DMD: variants seen among roughly 807,000 people sequenced by gnomAD.
DMD encodes dystrophin, also known as mutant dystrophin.
A neutral mutation model predicts 330.1 loss-of-function variants in DMD; 63 were observed. The observed-to-expected ratio is 0.19, with a 90% CI of 0.16 to 0.24. The LOEUF is 0.24. Ranked by LOEUF, DMD falls within the 10% of genes least tolerant of loss-of-function variation. The pLI is 1.00. For missense variants in DMD, 3,344 were observed against 2,684.1 expected (o/e 1.25, Z -5.43); for synonymous variants, 1,223 against 959.8 (o/e 1.27, Z -5.07).
chrX:33,226,916 CTGA>C (rs1178546149), intron 1 of DMD, among the ~76,000 whole-genome samples: 5 of 109,378 alleles, frequency 4.6e-5, no homozygotes, highest in Non-Finnish European at 9.5e-5. Flanking sequence ...ATTGTGAAGC[CTGA>C]TGGAGATTAG....
At chrX:32,631,905 T>C (rs1315369917) in intron 11 of DMD, among the ~76,000 whole-genome samples, 5 of 111,315 alleles carry the variant, frequency 4.5e-5, no homozygotes, top group South Asian at 3.9e-4. Flanking sequence ...TATTCCATCC[T>C]GGCCCCTCCC....
intron 52 of DMD, among the ~76,000 whole-genome samples, chrX:31,687,570 C>A (rs1335213295): frequency 1.8e-5 from 2 of 111,816 alleles, no homozygotes; most frequent in Non-Finnish European, 3.8e-5. Context: ...AGAGGATCCT[C>A]TGCCTTTTAA....
At chrX:31,175,017 C>A (rs1296549380) in intron 71 of DMD, among the ~76,000 whole-genome samples, 1 of 111,793 alleles carries the variant, frequency 8.9e-6, no homozygotes, top group Non-Finnish European at 1.9e-5. Flanking sequence ...TGTGAAACTT[C>A]ACTATAGTTT....
At chrX:32,768,520 G>A (rs181136937) in intron 7 of DMD, among the ~76,000 whole-genome samples, 2 of 111,780 alleles carry the variant, frequency 1.8e-5, no homozygotes, top group East Asian at 5.6e-4. Flanking sequence ...CATATGTCAT[G>A]AAGGGAACCA....
At chrX:31,745,045 T>C (rs1348623734) in intron 51 of DMD, among the ~76,000 whole-genome samples, 1 of 111,402 alleles carries the variant, frequency 9.0e-6, no homozygotes, top group Non-Finnish European at 1.9e-5. Context: ...AGACCACATA[T>C]CCTACCCTAA....
chrX:31,961,384 A>C (rs2150148412), intron 45 of DMD, among the ~76,000 whole-genome samples: 1 of 112,021 alleles, frequency 8.9e-6, no homozygotes, highest in East Asian at 2.8e-4. Flanking sequence ...GAATGTGAAT[A>C]AAATTCTTAC....
At chrX:33,081,310 G>C (rs1408336496) in intron 1 of DMD, among the ~76,000 whole-genome samples, 1 of 111,807 alleles carries the variant, frequency 8.9e-6, no homozygotes, top group African/African-American at 3.3e-5. Context: ...GTCTCGCTCT[G>C]TCACCCAGGC....
intron 44 of DMD, among the ~76,000 whole-genome samples, chrX:32,170,975 T>C (rs2096885531): frequency 9.0e-6 from 1 of 111,431 alleles, no homozygotes; most frequent in Non-Finnish European, 1.9e-5. Context: ...AAAATAAGAT[T>C]GGAATAAAAT....
intron 7 of DMD, among the ~76,000 whole-genome samples, chrX:32,715,204 C>T (rs1026097910): frequency 1.5e-4 from 17 of 110,829 alleles, no homozygotes; most frequent in South Asian, 1.5e-3. Context: ...TTGGGCCAGG[C>T]GTGGTGGCTC....
Position 31,173,574 on chromosome X carries a change from A to G in DMD, c.10293T>C (p.Asp3431=). 1 of 1,210,527 alleles carries G rather than the reference A, an allele frequency of 8.3e-7. No homozygotes were observed. Among genetic ancestry groups the G allele is most frequent in the Non-Finnish European group, 1.1e-6 (1 of 894,440 alleles). Residue 3431 remains aspartate, a synonymous_variant, in exon 72 of 79, where the codon GAT becomes GAC. Transcript: ENST00000357033. ...APASSPQLSH[D]DTHSRIEHYA... is the part of the protein sequence containing the mutation. ...AATGTTCAATGCGTGAATGAGTATC[A>G]TCGTGTGAAAGCTGAGGGGACGAGG...
At chrX:31,758,313 C>A (rs2089296569) in intron 51 of DMD, among the ~76,000 whole-genome samples, 2 of 110,924 alleles carry the variant, frequency 1.8e-5, no homozygotes, top group Admixed American at 9.7e-5. Flanking sequence ...TCCTGCATAT[C>A]TCTCAGGGGT....
intron 47 of DMD, among the ~76,000 whole-genome samples, chrX:31,924,090 T>G (rs2094733082): frequency 9.0e-6 from 1 of 111,649 alleles, no homozygotes. Flanking sequence ...ACTATATATT[T>G]TACAGCATTT....
intron 43 of DMD, among the ~76,000 whole-genome samples, chrX:32,266,573 C>G (rs2097345335): frequency 8.9e-6 from 1 of 111,915 alleles, no homozygotes; most frequent in South Asian, 3.7e-4. Context: ...CAGATTTACA[C>G]ATCATGGACA....
Position 31,968,483 on chromosome X carries a change from G to A in DMD, c.6470C>T (p.Thr2157Ile). 8.3e-7 allele frequency: 1 copy of A among 1,210,574 alleles called. No individual in the cohort carries two copies. Among genetic ancestry groups the A allele is most frequent in the South Asian group, 1.8e-5 (1 of 56,989 alleles). The change falls in exon 45 of 79, where the codon ACT becomes ATT. Residue 2157 changes from threonine to isoleucine, a missense_variant. By Grantham distance (89) the Thr-to-Ile change is moderately conservative. Transcript: ENST00000357033. ...ELQDGIGQRQ[T>I]VVRTLNATGE... is the part of the protein sequence containing the mutation. ...AGTTGCATTCAATGTTCTGACAACA[G>A]TTTGCCGCTGCCCAATGCCATCCTG...
chrX:31,750,822 A>T (rs1437474326), intron 51 of DMD, among the ~76,000 whole-genome samples: 319 of 102,262 alleles, frequency 3.1e-3, no homozygotes, highest in Non-Finnish European at 5.0e-3. Context: ...ATCAATGTAC[A>T]AAAATCACAA....
chrX:31,670,477 G>C (rs1432511056), intron 53 of DMD, among the ~76,000 whole-genome samples: 2 of 111,502 alleles, frequency 1.8e-5, no homozygotes, highest in Non-Finnish European at 3.8e-5. Flanking sequence ...TCGTTTCCTC[G>C]GGCTTCTGTA....
intron 1 of DMD, among the ~76,000 whole-genome samples, chrX:33,026,915 G>C (rs769611581): frequency 1.3e-4 from 15 of 111,996 alleles, no homozygotes; most frequent in Non-Finnish European, 2.3e-4. Flanking sequence ...ACTTAGCATA[G>C]AATGTGTTAC....
At chrX:31,971,915 A>T (rs965665036) in intron 44 of DMD, among the ~76,000 whole-genome samples, 1 of 111,821 alleles carries the variant, frequency 8.9e-6, no homozygotes, top group Non-Finnish European at 1.9e-5. Flanking sequence ...CAAAAAGAAA[A>T]TCATAATTAA....
chrX:32,647,131 C>T (rs1196914212), intron 9 of DMD, among the ~76,000 whole-genome samples: 6 of 111,439 alleles, frequency 5.4e-5, no homozygotes, highest in Non-Finnish European at 9.4e-5. Context: ...GGGCCCTGAG[C>T]GCAGAAGAAA....
Sources: allele counts gnomAD v4.1 joint callset (sites outside exome capture counted in the v4.1 genomes callset), GRCh38; gene constraint gnomAD v4.1.1; transcripts MANE v1.5; gene names NCBI Gene and HGNC (gene_info 2026-07-23, HGNC 2026-07-21).